The following STRN4 variants were observed in gnomAD, a reference collection of about 807,000 sequenced individuals.
STRN4 encodes the protein striatin-4.
A neutral mutation model predicts 77.9 loss-of-function variants in STRN4; 27 were observed. The ratio of observed to expected loss-of-function variants is 0.35; its 90% CI spans 0.26 to 0.48. STRN4 has a LOEUF of 0.48. Among genes scored for constraint, STRN4 ranks in the 20% least tolerant of loss-of-function variants. STRN4 has a pLI of 0.99. For synonymous variants in STRN4, 466 were observed against 443.1 expected, an observed-to-expected ratio of 1.05 and a Z score of -0.65; for missense variants, 798 against 1,049.7, an observed-to-expected ratio of 0.76 and a Z score of 3.31.
chr19:46,733,365 A>T lies in STRN4; in HGVS notation c.540-129T>A. 1 of 801,912 alleles carries T rather than the reference A, an allele frequency of 1.2e-6. No homozygotes were observed. Among genetic ancestry groups the T allele is most frequent in the Non-Finnish European group, 2.0e-6 (1 of 504,222 alleles). 49.7% of individuals were successfully genotyped at this position (801,912 alleles called of 1,614,324 possible). A position where few individuals can be genotyped will look rare whatever the true frequency, so the allele number is the denominator to read the frequency against. On this transcript the variant is annotated intron_variant, in intron 4 of 17. Transcript: ENST00000263280. The surrounding 1 kb of genome is among the most constrained non-coding windows in gnomAD (Gnocchi z 4.3). The stretch of plus-strand genomic sequence containing the variant: ...GCATACACCAAAATCTGACATAAGC[A>T]CACCCTCGCTCCAGCAGTTCCCCGT...
intron 6 of STRN4, 182 bp from the exon 7 acceptor site, chr19:46,728,959 G>T: frequency 1.3e-6 from 1 of 777,684 alleles, no homozygotes; most frequent in Non-Finnish European, 2.0e-6. Flanking sequence ...CTACCACTAG[G>T]GCCGGTCGGC....
At position 46,725,616 on chromosome 19, in the gene STRN4, C is replaced by T. The variant is rs1386758171; in HGVS notation, c.1281G>A (p.Thr427=). 8.7e-6 allele frequency: 14 copies of T among 1,614,184 alleles called. No individual in the cohort carries two copies. Among genetic ancestry groups the T allele is most frequent in the Admixed American group, 3.3e-5 (2 of 60,026 alleles). ...AGCGCAGGGTGAACTTGGGGTTCCA[C>T]GTCTTCTTAAAAGCATCTTTGCTGT... ...LSDSKDAFKK[T]WNPKFTLRSH... The change falls in exon 10 of 18, where the codon ACG becomes ACA. Residue 427 remains threonine, a synonymous_variant. Transcript: ENST00000263280.
rs992029034 is a variant in STRN4, at chr19:46,719,810, C to T, written c.*595G>A. ...GCCCCAGGGAGGGGCACAAGAAAGC[C>T]GTCTCTACCCATGGGCGACCCCATG... is the stretch of plus-strand genomic sequence containing the variant. On this transcript the variant is annotated 3_prime_UTR_variant, in exon 18 of 18. Coordinates refer to ENST00000263280, the MANE Select transcript of STRN4 (RefSeq NM_013403.3). 3.9e-5 allele frequency: 6 copies of T among 152,398 alleles called. No homozygotes were observed. The East Asian group carries it at 5.8e-4, about 15-fold the overall frequency. 9.4% of individuals were successfully genotyped at this position (152,398 alleles called of 1,614,324 possible).
intron 1 of STRN4, among the ~76,000 whole-genome samples, chr19:46,743,806 G>A (rs934428586): frequency 6.6e-6 from 1 of 151,992 alleles, no homozygotes; most frequent in Non-Finnish European, 1.5e-5. Context: ...GCGAGGCTGA[G>A]GCAGGAGAAT....
At chr19:46,746,068 G>C in intron 1 of STRN4, 81 bp downstream of exon 1, 1 of 1,244,600 alleles carries the variant, frequency 8.0e-7, no homozygotes. Flanking sequence ...ATTGCTCCAA[G>C]ATGGCGGCGG....
chr19:46,725,865 G>C lies in STRN4; in HGVS notation c.1249-217C>G, dbSNP rs1374855175. ...TCCCCACACTGCGCTGGGTTCTGGA[G>C]AGACAAAGGTGAGCCTGACCCCTTG... On this transcript the variant is annotated intron_variant, in intron 9 of 17. Transcript: ENST00000263280. 6.5e-6 allele frequency: 4 copies of C among 619,970 alleles called. No homozygotes were observed. The African/African-American group carries it at 7.4e-5, about 11-fold the overall frequency. 38.4% of individuals were successfully genotyped at this position (619,970 alleles called of 1,614,324 possible). A position where few individuals can be genotyped will look rare whatever the true frequency, so the allele number is the denominator to read the frequency against.
rs1442858064 is a variant in STRN4, at chr19:46,722,935, G to T, written c.1781C>A (p.Thr594Asn). ...FPTASEHGVP[T>N]SVAFTSTEPA... ...CTCGGTGCTGGTGAAGGCCACTGAG[G>T]TGGGGACCCCGTGCTCTGAGGGCAC... The change falls in exon 14 of 18, where the codon ACC becomes AAC. Residue 594 changes from threonine to asparagine, a missense_variant. Physicochemically the swap from Thr to Asn is moderately conservative, Grantham distance 65. This residue lies in a region of STRN4 where 287 missense variants were observed against 473.8 expected (regional missense o/e 0.61). Transcript: ENST00000263280. 1 of 1,613,926 alleles carries T rather than the reference G, an allele frequency of 6.2e-7. No homozygotes were observed.
chr19:46,728,956 T>A, intron 6 of STRN4, 179 bp from the exon 7 acceptor site: 1 of 832,344 alleles, frequency 1.2e-6, no homozygotes, highest in Non-Finnish European at 1.8e-6. Context: ...CTGCTACCAC[T>A]AGGGCCGGTC....
chr19:46,739,780 T>C (rs1374304241), intron 1 of STRN4, among the ~76,000 whole-genome samples: 1 of 152,218 alleles, frequency 6.6e-6, no homozygotes, highest in Non-Finnish European at 1.5e-5. Flanking sequence ...GAGCCTCCAT[T>C]TGCCCCTCTA....
intron 3 of STRN4, 150 bp from the exon 4 acceptor site, chr19:46,737,051 C>T: frequency 3.1e-6 from 2 of 637,854 alleles, no homozygotes; most frequent in Non-Finnish European, 5.3e-6. Flanking sequence ...CTGCTCTCTT[C>T]CCTTACTCGG....
rs1398858942 is a variant in STRN4, at chr19:46,726,446, A to G, written c.1249-798T>C. Among the ~76,000 whole-genome samples the G allele has an allele frequency of 2.7e-5, 4 of 150,124 alleles. No individual in the cohort carries two copies. The East Asian group carries it at 7.9e-4, about 30-fold the overall frequency. On this transcript the variant is annotated intron_variant, in intron 9 of 17. Coordinates refer to ENST00000263280, the MANE Select transcript of STRN4 (RefSeq NM_013403.3). ...GATCATTTGACCCCAGGAGTTCGAG[A>G]CCAGCCTGGGTAACATAGGGAGATC...
rs1019712248 is a variant in STRN4, at chr19:46,731,113, G to A, written c.738-240C>T. Among the ~76,000 whole-genome samples, 6 of 152,272 alleles carry A rather than the reference G, an allele frequency of 3.9e-5. No homozygotes were observed. In the East Asian group the frequency reaches 5.8e-4, roughly 15 times the overall value. Reference sequence around the variant, plus strand: ...GGGGCCCAGCTCCTCAATGACCGCCGACCTGAGTTTCAGAGGGCCAGCCCC... The same window carrying A: ...GGGGCCCAGCTCCTCAATGACCGCCAACCTGAGTTTCAGAGGGCCAGCCCC... On this transcript the variant is annotated intron_variant, in intron 5 of 17. Coordinates refer to ENST00000263280, the MANE Select transcript of STRN4 (RefSeq NM_013403.3).
At chr19:46,746,056 C>T (rs1358219347) in intron 1 of STRN4, 93 bp downstream of exon 1, 3 of 1,055,232 alleles carry the variant, frequency 2.8e-6, no homozygotes, top group Non-Finnish European at 3.6e-6. Context: ...GTCCCGGCGG[C>T]CATTGCTCCA....
intron 12 of STRN4, among the ~76,000 whole-genome samples, chr19:46,724,407 T>C (rs1176954342): frequency 1.3e-5 from 2 of 152,154 alleles, no homozygotes; most frequent in African/African-American, 2.4e-5. Context: ...CTTCTCTGCT[T>C]TCTCTGGACA....
At chr19:46,735,032 G>A (rs948568300) in intron 4 of STRN4, among the ~76,000 whole-genome samples, 7 of 152,126 alleles carry the variant, frequency 4.6e-5, no homozygotes, top group East Asian at 3.9e-4. Flanking sequence ...TGGGCTGGGC[G>A]CGGTGGCTCA....
In STRN4 at chr19:46,723,109, C is replaced by T. The variant is rs1446508454; in HGVS notation, c.1765+5G>A. On this transcript the variant is annotated splice_donor_5th_base_variant and intron_variant, in intron 13 of 17. Transcript: ENST00000263280. This position sits in a 1 kb window ranked among gnomAD's most constrained non-coding sequence, Gnocchi z 5.5. ...CCAGGGTGAGGCACCGGGGCCCCCACTCACCGCTGGCTGTGGGGAAGGTGC... is the reference window on the plus strand; with the variant it reads ...CCAGGGTGAGGCACCGGGGCCCCCATTCACCGCTGGCTGTGGGGAAGGTGC... 1 of 1,561,770 alleles carries T rather than the reference C, an allele frequency of 6.4e-7. No individual in the cohort carries two copies. The highest frequency in any genetic ancestry group is 1.2e-5 in the South Asian group (1 of 85,714).
At chr19:46,722,705 G>A in intron 14 of STRN4, 105 bp downstream of exon 14, 2 of 1,508,276 alleles carry the variant, frequency 1.3e-6, no homozygotes, top group Admixed American at 3.5e-5. Context: ...GAGGGTGCAG[G>A]GGAGTCATCT....
intron 12 of STRN4, among the ~76,000 whole-genome samples, chr19:46,724,068 T>A: frequency 6.6e-6 from 1 of 151,740 alleles, no homozygotes; most frequent in East Asian, 1.9e-4. Flanking sequence ...GTCAACGTGG[T>A]GCAACCCTGT....
Position 46,722,205 on chromosome 19 carries a change from T to C in STRN4, c.2005+37A>G, listed in dbSNP as rs772829200. 5 of 1,606,864 alleles carry C rather than the reference T, an allele frequency of 3.1e-6. No homozygotes were observed. In the African/African-American group the frequency reaches 5.4e-5, roughly 17 times the overall value. On this transcript the variant is annotated intron_variant, in intron 15 of 17. Coordinates refer to ENST00000263280, the MANE Select transcript of STRN4 (RefSeq NM_013403.3). ...CATCTCTGCTGCCTGCCTCTGGCCCTCCCCACCCACTACGAGCACAAGGGG... is the reference window on the plus strand; with the variant it reads ...CATCTCTGCTGCCTGCCTCTGGCCCCCCCCACCCACTACGAGCACAAGGGG...
Sources: gnomAD v4.1 joint callset for allele counts (sites outside exome capture counted in the v4.1 genomes callset) on GRCh38, gnomAD v4.1.1 for gene constraint, gnomAD v4.1.1 regional missense constraint, Gnocchi (gnomAD v3.1) non-coding constraint, MANE v1.5 for transcripts, NCBI Gene and HGNC (gene_info 2026-07-23, HGNC 2026-07-21) for gene names.